The following HPSE2 variants were observed in gnomAD, a reference collection of about 807,000 sequenced individuals.
The protein encoded by HPSE2 is inactive heparanase-2.
A neutral mutation model predicts 60.5 loss-of-function variants in HPSE2; 38 were observed. That is an observed-to-expected ratio of 0.63 (90% CI 0.48 to 0.82). HPSE2 has a LOEUF of 0.82. Ranked by LOEUF, HPSE2 falls within the 40% of genes least tolerant of loss-of-function variation. HPSE2 has a pLI of 0.00. For missense variants in HPSE2, 713 were observed against 740.4 expected, an observed-to-expected ratio of 0.96 and a Z score of 0.43; for synonymous variants, 295 against 293.2, an observed-to-expected ratio of 1.01 and a Z score of -0.06.
chr10:98,767,755 A>C (rs1270447608), intron 3 of HPSE2, among the ~76,000 whole-genome samples: 1 of 145,560 alleles, frequency 6.9e-6, no homozygotes, highest in East Asian at 2.0e-4. Context: ...TATCAATACT[A>C]TATAGTTATA....
chr10:99,311,961 TAGA>T, the HPSE2 span, among the ~76,000 whole-genome samples: 1 of 152,212 alleles, frequency 6.6e-6, no homozygotes. Context: ...GTGGTCTAGA[TAGA>T]AGATCAACCC....
chr10:98,916,532 GT>G (rs1370463335), intron 3 of HPSE2, among the ~76,000 whole-genome samples: 1 of 152,132 alleles, frequency 6.6e-6, no homozygotes, highest in African/African-American at 2.4e-5. Context: ...TTGGTTTTAT[GT>G]TCTGTTGTGA....
the HPSE2 span, among the ~76,000 whole-genome samples, chr10:99,308,032 T>C: frequency 0.86 from 130,456 of 152,084 alleles, 56,339 homozygotes; most frequent in African/African-American, 0.93. Flanking sequence ...GTTAAAAACA[T>C]ATGTCCATTC....
rs150461987 is a variant in HPSE2 at position 99,045,330 on chromosome 10, C to A, written c.610+98908G>T. 5.4e-3 allele frequency among the ~76,000 whole-genome samples: 826 copies of A among 152,078 alleles called. 6 individuals are homozygous for A. Among genetic ancestry groups the A allele is most frequent in the Non-Finnish European group, 8.9e-3 (604 of 67,962 alleles). ...TTAATGAAATTAGGAACAAAACATG[C>A]CAACATCTCTGGAATGCAGCTAAAA... is the stretch of plus-strand genomic sequence containing the variant. On this transcript the variant is annotated intron_variant, in intron 3 of 11. Coordinates refer to ENST00000370552, the MANE Select transcript of HPSE2 (RefSeq NM_021828.5).
chr10:99,257,933 C>A, the HPSE2 span, among the ~76,000 whole-genome samples: 1 of 152,026 alleles, frequency 6.6e-6, no homozygotes, highest in East Asian at 1.9e-4. Context: ...TAGAAAAGAA[C>A]CTACGTGACT....
chr10:98,857,669 A>C (rs140216882), intron 3 of HPSE2, among the ~76,000 whole-genome samples: 457 of 152,220 alleles, frequency 3.0e-3, no homozygotes, highest in Non-Finnish European at 3.3e-3. Context: ...TAATTATACT[A>C]ATAATTAGAA....
chr10:99,267,774 C>T, the HPSE2 span, among the ~76,000 whole-genome samples: 1 of 97,242 alleles, frequency 1.0e-5, no homozygotes, highest in African/African-American at 3.0e-5. Context: ...AGCGAGACTC[C>T]ATCAAAAAAA....
At chr10:99,118,151 C>A (rs1844783580) in intron 3 of HPSE2, among the ~76,000 whole-genome samples, 1 of 152,084 alleles carries the variant, frequency 6.6e-6, no homozygotes. Flanking sequence ...ACACTATTAT[C>A]TCAATAGACG....
chr10:99,207,353 G>A (rs745634740), intron 2 of HPSE2, among the ~76,000 whole-genome samples: 12 of 152,084 alleles, frequency 7.9e-5, no homozygotes, highest in Non-Finnish European at 1.8e-4. Context: ...GACAAATAAA[G>A]GCTAAGGAAC....
intron 2 of HPSE2, among the ~76,000 whole-genome samples, chr10:99,185,667 G>A (rs972589324): frequency 2.0e-5 from 3 of 151,716 alleles, no homozygotes; most frequent in African/African-American, 4.8e-5. Flanking sequence ...CCAGCTACTC[G>A]GGAGGCTGAG....
chr10:98,544,645 G>A (rs4919237), intron 9 of HPSE2, among the ~76,000 whole-genome samples: 123,353 of 145,614 alleles, frequency 0.85, 53,362 homozygotes, highest in East Asian at 1. Flanking sequence ...CCCAGGAGGC[G>A]GAGCTTGCAG....
chr10:98,829,906 A>C (rs1395188387), intron 3 of HPSE2, among the ~76,000 whole-genome samples: 1 of 152,158 alleles, frequency 6.6e-6, no homozygotes. Context: ...ATACATGTGC[A>C]GAATGTGCAG....
chr10:99,005,176 G>C lies in HPSE2; in HGVS notation c.610+139062C>G, dbSNP rs72836795. The stretch of plus-strand genomic sequence containing the variant: ...AATACCTTTGACCTTCTTTTACCTA[G>C]ATCTCTGGATCTTTATGTGTTTTCC... On this transcript the variant is annotated intron_variant, in intron 3 of 11. Transcript: ENST00000370552. 9.0e-3 allele frequency among the ~76,000 whole-genome samples: 1,373 copies of C among 152,088 alleles called. 12 individuals are homozygous for C. The highest frequency in any genetic ancestry group is 0.028 in the South Asian group (134 of 4,818).
chr10:98,513,561 C>G (rs751412538), intron 9 of HPSE2, among the ~76,000 whole-genome samples: 1 of 152,080 alleles, frequency 6.6e-6, no homozygotes. Flanking sequence ...TAAACTTGCA[C>G]ACAAAATTAC....
intron 3 of HPSE2, among the ~76,000 whole-genome samples, chr10:98,870,136 A>G (rs1343900944): frequency 1.3e-5 from 2 of 152,208 alleles, no homozygotes; most frequent in Admixed American, 6.6e-5. Flanking sequence ...AGAAAATAAC[A>G]AACTATCCAG....
chr10:99,062,318 T>G (rs1458482314), intron 3 of HPSE2, among the ~76,000 whole-genome samples: 2 of 152,122 alleles, frequency 1.3e-5, no homozygotes, highest in African/African-American at 2.4e-5. Context: ...GACAGAATGT[T>G]TAAGAAGAAT....
At chr10:98,548,037 C>G (rs1943746296) in intron 9 of HPSE2, among the ~76,000 whole-genome samples, 1 of 152,070 alleles carries the variant, frequency 6.6e-6, no homozygotes, top group Non-Finnish European at 1.5e-5. Context: ...ATTGGAAATA[C>G]AGATATGGAC....
At chr10:98,960,739 T>TTC (rs1955650290) in intron 3 of HPSE2, among the ~76,000 whole-genome samples, 1 of 42,614 alleles carries the variant, frequency 2.3e-5, no homozygotes, top group African/African-American at 1.1e-4. Flanking sequence ...TTTTTTATTT[T>TTC]ATTTTTTTTT....
At chr10:99,132,146 G>GAAGGAAGAAAGAAAGAAAGA (rs1845413704) in intron 3 of HPSE2, among the ~76,000 whole-genome samples, 1 of 28,486 alleles carries the variant, frequency 3.5e-5, no homozygotes, top group African/African-American at 8.2e-5. Flanking sequence ...AGAAAGAAAG[G>GAAGGAAGAAAGAAAGAAAGA]AAGAAAGAAA....
Sources: gnomAD v4.1 joint callset for allele counts (sites outside exome capture counted in the v4.1 genomes callset) on GRCh38, gnomAD v4.1.1 for gene constraint, MANE v1.5 for transcripts, NCBI Gene and HGNC (gene_info 2026-07-23, HGNC 2026-07-21) for gene names.